Variants in MACROD2 observed in about 807,000 individuals in gnomAD.
The protein encoded by MACROD2 is ADP-ribose glycohydrolase MACROD2.
A neutral mutation model predicts 70.4 loss-of-function variants in MACROD2; 36 were observed. The observed-to-expected ratio is 0.51, with a 90% confidence interval of 0.39 to 0.68. The LOEUF (loss-of-function observed/expected upper bound fraction) is 0.68. Among genes scored for constraint, MACROD2 ranks in the 30% least tolerant of loss-of-function variants. The pLI, the probability that MACROD2 is intolerant of heterozygous loss-of-function variation, is 0.00. For synonymous variants in MACROD2, 172 were observed against 178.8 expected, an observed-to-expected ratio of 0.96 and a Z score of 0.30; for missense variants, 496 against 538.4, an observed-to-expected ratio of 0.92 and a Z score of 0.78.
At chr20:14,857,747 T>C (rs2073270500) in intron 5 of MACROD2, among the ~76,000 whole-genome samples, 1 of 151,406 alleles carries the variant, frequency 6.6e-6, no homozygotes, top group Admixed American at 6.6e-5. Flanking sequence ...AAATTAAACA[T>C]TAATAATGAA....
At chr20:15,007,847 C>T (rs2075052221) in intron 5 of MACROD2, among the ~76,000 whole-genome samples, 1 of 152,232 alleles carries the variant, frequency 6.6e-6, no homozygotes, top group Non-Finnish European at 1.5e-5. Flanking sequence ...TGGGGCCAGG[C>T]TTGCCCATCC....
intron 8 of MACROD2, among the ~76,000 whole-genome samples, chr20:15,739,073 G>T (rs1282006409): frequency 6.6e-6 from 1 of 152,104 alleles, no homozygotes; most frequent in African/African-American, 2.4e-5. Flanking sequence ...TGGATGGAGA[G>T]GAATGATAAG....
chr20:15,053,731 CTTA>C (rs1383930025), intron 5 of MACROD2, among the ~76,000 whole-genome samples: 1 of 152,122 alleles, frequency 6.6e-6, no homozygotes, highest in African/African-American at 2.4e-5. Flanking sequence ...ACTTTCAAGT[CTTA>C]TTATTTAAAG....
At chr20:15,148,805 G>T (rs1260200797) in intron 5 of MACROD2, among the ~76,000 whole-genome samples, 2 of 152,036 alleles carry the variant, frequency 1.3e-5, no homozygotes, top group East Asian at 1.9e-4. Context: ...GCTGAGCTTG[G>T]TGAGGTGTGT....
intron 2 of MACROD2, among the ~76,000 whole-genome samples, chr20:14,016,668 GT>G (rs2052996619): frequency 6.6e-6 from 1 of 151,912 alleles, no homozygotes; most frequent in African/African-American, 2.4e-5. Context: ...CATTTGAATG[GT>G]CTTGGCACTC....
intron 5 of MACROD2, among the ~76,000 whole-genome samples, chr20:14,964,753 A>G (rs985237188): frequency 2.6e-5 from 4 of 152,156 alleles, no homozygotes; most frequent in African/African-American, 9.7e-5. Context: ...AAGCAGTCCC[A>G]TAGCCACTGT....
intron 8 of MACROD2, among the ~76,000 whole-genome samples, chr20:15,649,476 C>T (rs2049611649): frequency 6.6e-6 from 1 of 151,918 alleles, no homozygotes; most frequent in African/African-American, 2.4e-5. Flanking sequence ...TCATTTTATT[C>T]CTTGCCTGCA....
intron 7 of MACROD2, among the ~76,000 whole-genome samples, chr20:15,480,361 A>G (rs1229599446): frequency 1.3e-5 from 2 of 152,088 alleles, no homozygotes; most frequent in African/African-American, 4.8e-5. Flanking sequence ...CTTTTAACCA[A>G]TTCTGGTTGC....
At chr20:14,071,189 T>C (rs899690131) in intron 2 of MACROD2, among the ~76,000 whole-genome samples, 19 of 150,916 alleles carry the variant, frequency 1.3e-4, no homozygotes, top group Admixed American at 3.3e-4. Context: ...TATCCTCAAA[T>C]GGAATTATAA....
intron 8 of MACROD2, among the ~76,000 whole-genome samples, chr20:15,550,902 C>T (rs1035346264): frequency 6.6e-5 from 10 of 152,114 alleles, no homozygotes; most frequent in African/African-American, 2.4e-4. Flanking sequence ...ATGTGACAGC[C>T]AGGGCAGCTT....
At chr20:15,488,662 A>G (rs545489768) in intron 7 of MACROD2, among the ~76,000 whole-genome samples, 8 of 152,334 alleles carry the variant, frequency 5.3e-5, no homozygotes, top group African/African-American at 1.2e-4. Flanking sequence ...ACTATGCACC[A>G]TCGAATGCCA....
intron 6 of MACROD2, among the ~76,000 whole-genome samples, chr20:15,248,001 CTT>C (rs1431138174): frequency 6.6e-6 from 1 of 152,132 alleles, no homozygotes; most frequent in Non-Finnish European, 1.5e-5. Flanking sequence ...CCCAGCCAGA[CTT>C]TTCTTTTTAA....
At position 14,861,978 on chromosome 20, in the gene MACROD2, T is replaced by TATATATGTATTTATATATAA. The variant is rs2073323911; in HGVS notation, c.418+177025_418+177026insGTATTTATATATAAATATAT. On this transcript the variant is annotated intron_variant, in intron 5 of 17. Transcript: ENST00000684519. ...GGACATTGGAGGTTTTATATATAAA[T>TATATATGTATTTATATATAA]ATATATATATATATTTATATATATA... is the stretch of plus-strand genomic sequence containing the variant. 1.2e-4 allele frequency among the ~76,000 whole-genome samples: 6 copies of TATATATGTATTTATATATAA among 48,358 alleles called. No individual in the cohort carries two copies. The Admixed American group carries it at 1.5e-3, about 12-fold the overall frequency. The allele number at this position is 48,358 out of a possible 152,430, so 31.7% of individuals were successfully genotyped here. A position where few individuals can be genotyped will look rare whatever the true frequency, so the allele number is the denominator to read the frequency against.
chr20:15,668,837 G>A (rs969071747), intron 8 of MACROD2, among the ~76,000 whole-genome samples: 1 of 152,152 alleles, frequency 6.6e-6, no homozygotes, highest in Non-Finnish European at 1.5e-5. Flanking sequence ...CTCCAGTAGG[G>A]TTAGCAAAAT....
At chr20:14,863,832 A>G (rs2122390979) in intron 5 of MACROD2, among the ~76,000 whole-genome samples, 1 of 152,256 alleles carries the variant, frequency 6.6e-6, no homozygotes, top group African/African-American at 2.4e-5. Flanking sequence ...TCATGTAGCT[A>G]GAAAGCGGCC....
At chr20:14,514,091 T>G in intron 4 of MACROD2, among the ~76,000 whole-genome samples, 1 of 152,118 alleles carries the variant, frequency 6.6e-6, no homozygotes, top group East Asian at 1.9e-4. Flanking sequence ...CTTGCTCTTC[T>G]GTCACTTTCT....
intron 6 of MACROD2, among the ~76,000 whole-genome samples, chr20:15,351,328 A>G (rs2078224500): frequency 1.3e-5 from 2 of 152,224 alleles, no homozygotes; most frequent in Non-Finnish European, 2.9e-5. Flanking sequence ...TTTGCAAGCT[A>G]TATGATTGTG....
chr20:15,143,651 A>G (rs926848965), intron 5 of MACROD2, among the ~76,000 whole-genome samples: 2 of 152,086 alleles, frequency 1.3e-5, no homozygotes, highest in Non-Finnish European at 2.9e-5. Context: ...AGGCTATGAA[A>G]ACATTGCAAA....
intron 5 of MACROD2, among the ~76,000 whole-genome samples, chr20:15,045,719 G>GT (rs71335981): frequency 0.37 from 27,385 of 73,532 alleles, 4,289 homozygotes; most frequent in South Asian, 0.46. Flanking sequence ...CCAGACCAGG[G>GT]TTTTTTTTTT....
Sources: gnomAD v4.1 joint callset for allele counts (sites outside exome capture counted in the v4.1 genomes callset) on GRCh38, gnomAD v4.1.1 for gene constraint, MANE v1.5 for transcripts, NCBI Gene and HGNC (gene_info 2026-07-23, HGNC 2026-07-21) for gene names.